The following EXT2 variants were observed in gnomAD, a reference collection of about 807,000 sequenced individuals.
EXT2 encodes exostosin-2.
In EXT2, 53 loss-of-function variants were observed where a neutral mutation model predicts 81.6. The ratio of observed to expected loss-of-function variants is 0.65; its 90% CI spans 0.52 to 0.82. The LOEUF is 0.82. Among genes scored for constraint, EXT2 ranks in the 40% least tolerant of loss-of-function variants. The pLI, the probability that EXT2 is intolerant of heterozygous loss-of-function variation, is 0.00. For synonymous variants in EXT2, 320 were observed against 340.0 expected (o/e 0.94, Z 0.65); for missense variants, 774 against 910.2 (o/e 0.85, Z 1.93).
intron 11 of EXT2, among the ~76,000 whole-genome samples, chr11:44,233,019 A>G (rs77847736): frequency 6.6e-6 from 1 of 152,212 alleles, no homozygotes; most frequent in Admixed American, 6.5e-5. Context: ...TGTTAGTGAT[A>G]GATGTCCATT....
rs1452873094 is a variant in EXT2, at chr11:44,171,014, T to C, written c.1174-597T>C. Among the ~76,000 whole-genome samples the C allele has an allele frequency of 2.6e-5, 4 of 152,320 alleles. No individual in the cohort carries two copies. The East Asian group carries it at 7.7e-4, about 29-fold the overall frequency. On this transcript the variant is annotated intron_variant, in intron 7 of 13. Transcript: ENST00000533608. ...TCATTTTATAAGGCCAGCATAACCT[T>C]GATACCATAACCTGACTTAGATATT...
At position 44,245,779 on chromosome 11, in the gene EXT2, A is replaced by T. The variant is rs142446942; in HGVS notation, c.*1492A>T. 6.6e-6 allele frequency among the ~76,000 whole-genome samples: 1 copy of T among 152,358 alleles called. No homozygotes were observed. Among genetic ancestry groups the T allele is most frequent in the African/African-American group, 2.4e-5 (1 of 41,590 alleles). On this transcript the variant is annotated 3_prime_UTR_variant, in exon 14 of 14. Transcript: ENST00000533608. Reference sequence around the variant, plus strand: ...AGAGGTCAAAGAAAGTTTCAGAAGTAGCAAAGTTGGAAGTGGAAATCATAA... The same window carrying T: ...AGAGGTCAAAGAAAGTTTCAGAAGTTGCAAAGTTGGAAGTGGAAATCATAA...
Position 44,244,893 on chromosome 11 carries a change from G to C in EXT2, c.*606G>C. On this transcript the variant is annotated 3_prime_UTR_variant, in exon 14 of 14. Transcript: ENST00000533608. ...TCCATGAGCTATTCCTCTTTGGTTT[G>C]GCTTTTTGATATGATTAAAATTATT... 1 of 233,184 alleles carries C rather than the reference G, an allele frequency of 4.3e-6. No homozygotes were observed. The highest frequency in any genetic ancestry group is 8.5e-6 in the Non-Finnish European group (1 of 118,070). The allele number at this position is 233,184 out of a possible 1,614,324, so 14.4% of individuals were successfully genotyped here.
Position 44,107,914 on chromosome 11 carries a change from G to T in EXT2, c.202G>T (p.Val68Phe). Residue 68 changes from valine to phenylalanine, a missense_variant, in exon 2 of 14, where the codon GTT becomes TTT. Physicochemically the swap from Val to Phe is conservative, Grantham distance 50 (BLOSUM62 -1). Around this residue, in one of 2 missense-constraint regions of EXT2, gnomAD observed 626 missense variants for 670.5 expected, o/e 0.93. Transcript: ENST00000533608. Reference protein sequence around the residue: ...VEKRSIRDVPVVRLPADSPIP... With the variant: ...VEKRSIRDVPFVRLPADSPIP... ...GAAGCGCAGCATCCGTGATGTGCCG[G>T]TTGTTAGGCTGCCAGCCGACAGTCC... 1 of 1,614,218 alleles carries T rather than the reference G, an allele frequency of 6.2e-7. No homozygotes were observed. The highest frequency in any genetic ancestry group is 8.5e-7 in the Non-Finnish European group (1 of 1,180,050).
In EXT2 at chr11:44,245,168, A is replaced by T. The variant is rs1956082478; in HGVS notation, c.*881A>T. ...ATCTGTTTGCTTCCTGATTAGATCC[A>T]GTCAATGTTTTAAAGGTATTGTCAG... On this transcript the variant is annotated 3_prime_UTR_variant, in exon 14 of 14. Coordinates refer to ENST00000533608, the MANE Select transcript of EXT2 (RefSeq NM_207122.2). 3 of 229,434 alleles carry T rather than the reference A, an allele frequency of 1.3e-5. No individual in the cohort carries two copies. In the East Asian group the frequency reaches 1.9e-4, roughly 14 times the overall value. 14.2% of individuals were successfully genotyped at this position (229,434 alleles called of 1,614,324 possible). A position where few individuals can be genotyped will look rare whatever the true frequency, so the allele number is the denominator to read the frequency against.
At position 44,144,361 on chromosome 11, in the gene EXT2, G is replaced by A. The variant is rs532432355; in HGVS notation, c.1173+14223G>A. On this transcript the variant is annotated intron_variant, in intron 7 of 13. Coordinates refer to ENST00000533608, the MANE Select transcript of EXT2 (RefSeq NM_207122.2). ...ACAGGCATGGGTGACTTAGAAAACC[G>A]GGCCCAGCAGAAATGAATCTCTAGT... 4.3e-4 allele frequency: 680 copies of A among 1,580,322 alleles called. 1 individual carries two copies. The highest frequency in any genetic ancestry group is 5.3e-4 in the Non-Finnish European group (620 of 1,164,266).
Position 44,206,678 on chromosome 11 carries a change from A to G in EXT2, c.1496-115A>G, listed in dbSNP as rs552026626. 5.5e-6 allele frequency: 6 copies of G among 1,087,998 alleles called. 1 individual carries two copies. In the East Asian group the frequency reaches 7.5e-5, roughly 14 times the overall value. 67.4% of individuals were successfully genotyped at this position (1,087,998 alleles called of 1,614,324 possible). ...TGACACAGTTCTACCTTTGGATTTG[A>G]TGAGAGCCGTGGATACAAGCTGATT... On this transcript the variant is annotated intron_variant, in intron 9 of 13. Coordinates refer to ENST00000533608, the MANE Select transcript of EXT2 (RefSeq NM_207122.2).
chr11:44,139,266 GA>G (rs1260662360), intron 7 of EXT2, among the ~76,000 whole-genome samples: 4 of 145,020 alleles, frequency 2.8e-5, no homozygotes, highest in African/African-American at 5.1e-5. Flanking sequence ...CTTTCCAATG[GA>G]AAAAAAAATG....
chr11:44,204,726 CT>C (rs1347619475), intron 9 of EXT2, among the ~76,000 whole-genome samples: 2 of 152,176 alleles, frequency 1.3e-5, no homozygotes, highest in Admixed American at 1.3e-4. Flanking sequence ...TTGCACGCCC[CT>C]TACGAGAATC....
intron 7 of EXT2, among the ~76,000 whole-genome samples, chr11:44,147,031 A>G (rs960843561): frequency 5.9e-5 from 9 of 152,310 alleles, no homozygotes; most frequent in African/African-American, 2.2e-4. Context: ...TGAAAGTAAC[A>G]TATCTCTACC....
chr11:44,213,169 TCATTC>T (rs1955673713), intron 10 of EXT2, among the ~76,000 whole-genome samples: 1 of 152,158 alleles, frequency 6.6e-6, no homozygotes, highest in East Asian at 1.9e-4. Context: ...GACCAAAAGT[TCATTC>T]CATCTTAAGA....
intron 10 of EXT2, among the ~76,000 whole-genome samples, chr11:44,230,672 C>G (rs1393669513): frequency 6.6e-6 from 1 of 152,134 alleles, no homozygotes; most frequent in African/African-American, 2.4e-5. Context: ...TGACAGCCAG[C>G]TACCAGAAGC....
At chr11:44,232,010 T>G (rs1955904732) in intron 10 of EXT2, among the ~76,000 whole-genome samples, 1 of 152,194 alleles carries the variant, frequency 6.6e-6, no homozygotes, top group Non-Finnish European at 1.5e-5. Flanking sequence ...GTTCCATTTA[T>G]CCTTCATTTT....
intron 8 of EXT2, among the ~76,000 whole-genome samples, chr11:44,172,683 A>G (rs891901341): frequency 1.3e-5 from 2 of 151,022 alleles, no homozygotes; most frequent in East Asian, 3.9e-4. Context: ...TCCCAGGTTC[A>G]AGTGATTCTC....
At chr11:44,155,902 T>G (rs1954849993) in intron 7 of EXT2, among the ~76,000 whole-genome samples, 1 of 152,196 alleles carries the variant, frequency 6.6e-6, no homozygotes, top group South Asian at 2.1e-4. Context: ...AACTCTTTAG[T>G]ATTTCTTATA....
chr11:44,214,876 C>G (rs1487361754), intron 10 of EXT2, among the ~76,000 whole-genome samples: 1 of 151,866 alleles, frequency 6.6e-6, no homozygotes, highest in Non-Finnish European at 1.5e-5. Flanking sequence ...CTCAGTCTCC[C>G]CAGTTGCTAG....
chr11:44,194,867 G>C (rs1174740524), intron 8 of EXT2, among the ~76,000 whole-genome samples: 1 of 152,140 alleles, frequency 6.6e-6, no homozygotes, highest in African/African-American at 2.4e-5. Context: ...TGTCAAGAGG[G>C]TTAGGTGAGT....
Position 44,250,706 on chromosome 11 carries a change from C to T in EXT2, c.*6419C>T, listed in dbSNP as rs985785465. On this transcript the variant is annotated 3_prime_UTR_variant, in exon 14 of 14. Coordinates refer to ENST00000533608, the MANE Select transcript of EXT2 (RefSeq NM_207122.2). ...TCTTTTGAGGAGTCCAGAGAGCGTC[C>T]ATCCGGTGCCTGGTGAGGGCCCTGC... 5.3e-5 allele frequency among the ~76,000 whole-genome samples: 8 copies of T among 152,152 alleles called. No homozygotes were observed. Among genetic ancestry groups the T allele is most frequent in the African/African-American group, 1.9e-4 (8 of 41,424 alleles).
chr11:44,201,316 G>T (rs1955519712), intron 9 of EXT2, among the ~76,000 whole-genome samples: 1 of 152,184 alleles, frequency 6.6e-6, no homozygotes, highest in Non-Finnish European at 1.5e-5. Context: ...CAGTAGAGAA[G>T]TGAAGTTCAT....
Sources: gnomAD v4.1 joint callset for allele counts (sites outside exome capture counted in the v4.1 genomes callset) on GRCh38, gnomAD v4.1.1 for gene constraint, gnomAD v4.1.1 regional missense constraint, MANE v1.5 for transcripts, NCBI Gene and HGNC (gene_info 2026-07-23, HGNC 2026-07-21) for gene names.